AKT2: variants seen among roughly 807,000 people sequenced by gnomAD.
AKT2 encodes AKT serine/threonine kinase 2, also known as RAC-beta serine/threonine-protein kinase.
A neutral mutation model predicts 58.6 loss-of-function variants in AKT2; 16 were observed. The observed-to-expected ratio is 0.27, with a 90% CI of 0.18 to 0.41. The LOEUF is 0.41. Ranked by LOEUF, AKT2 falls within the 10% of genes least tolerant of loss-of-function variation. AKT2 has a pLI of 1.00. For missense variants in AKT2, 438 were observed against 661.0 expected, an observed-to-expected ratio of 0.66 and a Z score of 3.70; for synonymous variants, 253 against 254.0, an observed-to-expected ratio of 1.00 and a Z score of 0.04.
Position 40,256,960 on chromosome 19 carries a change from C to T in AKT2, c.141G>A (p.Gln47=). Residue 47 remains glutamine (Q), a synonymous_variant, in exon 3 of 14, where the codon CAG becomes CAA. Transcript: ENST00000392038. ...AGAAGTTGTTTAAGGGGGGTAGAGT[C>T]TGATCAGGGGCCTCGGGCCTCTCCT... ...GYKERPEAPD[Q]TLPPLNNFSV... is the part of the protein sequence containing the mutation. 1 of 1,614,212 alleles carries T rather than the reference C, an allele frequency of 6.2e-7. No individual in the cohort carries two copies. The highest frequency in any genetic ancestry group is 8.5e-7 in the Non-Finnish European group (1 of 1,180,036).
rs942001023 is a variant in AKT2 at position 40,238,672 on chromosome 19, C to G, written c.708+233G>C. 8.5e-5 allele frequency among the ~76,000 whole-genome samples: 13 copies of G among 152,126 alleles called. No individual in the cohort carries two copies. Among genetic ancestry groups the G allele is most frequent in the Non-Finnish European group, 1.6e-4 (11 of 68,036 alleles). On this transcript the variant is annotated intron_variant, in intron 8 of 13. Coordinates refer to ENST00000392038, the MANE Select transcript of AKT2 (RefSeq NM_001626.6). The surrounding 1 kb of genome is among the most constrained non-coding windows in gnomAD (Gnocchi z 5.1). The stretch of plus-strand genomic sequence containing the variant: ...CCACACCTCTCTGGACTGGTTTGGA[C>G]CTGACCCACCCACTCACTAGCTGTG...
chr19:40,245,893 G>A (rs1260971871), intron 4 of AKT2, among the ~76,000 whole-genome samples: 1 of 152,100 alleles, frequency 6.6e-6, no homozygotes, highest in South Asian at 2.1e-4. Context: ...CAGGGCCAGG[G>A]CGCAGCAGGG....
chr19:40,255,680 G>C (rs1975493915), intron 3 of AKT2, among the ~76,000 whole-genome samples: 2 of 152,190 alleles, frequency 1.3e-5, no homozygotes, highest in African/African-American at 2.4e-5. Context: ...ACATCCTCAG[G>C]GGGTGGCCAA....
intron 2 of AKT2, among the ~76,000 whole-genome samples, chr19:40,263,100 C>A (rs1025521989): frequency 3.9e-5 from 6 of 152,192 alleles, no homozygotes; most frequent in Non-Finnish European, 7.3e-5. Flanking sequence ...AACATGAATG[C>A]GGACACTGAA....
intron 2 of AKT2, 146 bp from the exon 3 acceptor site, chr19:40,257,200 C>A: frequency 1.8e-6 from 2 of 1,100,542 alleles, no homozygotes; most frequent in East Asian, 2.5e-5. Flanking sequence ...AATGCCTCTC[C>A]CAGAGGAGCC....
rs1210650551 is a variant in AKT2, at chr19:40,233,718, G to C, written c.*154C>G. ...GAGGCAGGGGCTGCAGGGGCCGCTG[G>C]GGTGCGTCTGGGAGGGGCCTGAAGA... On this transcript the variant is annotated 3_prime_UTR_variant, in exon 14 of 14. Coordinates refer to ENST00000392038, the MANE Select transcript of AKT2 (RefSeq NM_001626.6). This position sits in a 1 kb window ranked among gnomAD's most constrained non-coding sequence, Gnocchi z 4.3. 8 of 809,090 alleles carry C rather than the reference G, an allele frequency of 9.9e-6. No homozygotes were observed. The highest frequency in any genetic ancestry group is 1.7e-5 in the Non-Finnish European group (8 of 466,174). 50.1% of individuals were successfully genotyped at this position (809,090 alleles called of 1,614,324 possible). A position where few individuals can be genotyped will look rare whatever the true frequency, so the allele number is the denominator to read the frequency against.
rs182629662 is a variant in AKT2, at chr19:40,271,566, C to G, written c.-84-6215G>C. Among the ~76,000 whole-genome samples the G allele has an allele frequency of 7.8e-3, 1,181 of 152,254 alleles. 4 individuals carry two copies. Among genetic ancestry groups the G allele is most frequent in the African/African-American group, 0.027 (1,116 of 41,542 alleles). On this transcript the variant is annotated intron_variant, in intron 1 of 13. Transcript: ENST00000392038. ...AACCAACTCCCTCATCTGCCACCAG[C>G]CATTCACCACTCTATAAACTGGTCC...
At chr19:40,282,450 C>T in intron 1 of AKT2, 1 of 481,472 alleles carries the variant, frequency 2.1e-6, no homozygotes, top group South Asian at 1.5e-5. Flanking sequence ...CACACCTGCC[C>T]AGGGTTAAAG....
At chr19:40,266,448 G>GT (rs1211135624) in intron 1 of AKT2, 2 of 152,356 alleles carry the variant, frequency 1.3e-5, no homozygotes, top group African/African-American at 4.8e-5. Context: ...AAGAAGGGAG[G>GT]TAAGTGGTAG....
At position 40,230,641 on chromosome 19, in the gene AKT2, C is replaced by A. The variant is rs1973654440; in HGVS notation, c.*3231G>T. 4.4e-6 allele frequency: 1 copy of A among 225,096 alleles called. No individual in the cohort carries two copies. Among genetic ancestry groups the A allele is most frequent in the African/African-American group, 2.2e-5 (1 of 44,846 alleles). 13.9% of individuals were successfully genotyped at this position (225,096 alleles called of 1,614,324 possible). On this transcript the variant is annotated 3_prime_UTR_variant, in exon 14 of 14. Coordinates refer to ENST00000392038, the MANE Select transcript of AKT2 (RefSeq NM_001626.6). The stretch of plus-strand genomic sequence containing the variant: ...GGTAATCAGCACCAAAATGAGTACT[C>A]AAGGCCCTGCGACCTCGGGTGAATT...
intron 2 of AKT2, among the ~76,000 whole-genome samples, chr19:40,261,967 AG>A (rs1975997629): frequency 6.6e-6 from 1 of 151,262 alleles, no homozygotes; most frequent in African/African-American, 2.4e-5. Flanking sequence ...GGAGGTTAGG[AG>A]AGCGGTAACT....
intron 6 of AKT2, chr19:40,241,676 C>T (rs1974415008): frequency 2.0e-6 from 1 of 502,846 alleles, no homozygotes; most frequent in Non-Finnish European, 3.6e-6. Context: ...CCTCCCTTGA[C>T]AGTACCTGCT....
In AKT2 at chr19:40,233,614, C is replaced by T. The variant is rs1057439559; in HGVS notation, c.*258G>A. 5 of 739,910 alleles carry T rather than the reference C, an allele frequency of 6.8e-6. No homozygotes were observed. Among genetic ancestry groups the T allele is most frequent in the Non-Finnish European group, 1.2e-5 (5 of 401,382 alleles). 45.8% of individuals were successfully genotyped at this position (739,910 alleles called of 1,614,324 possible). A position where few individuals can be genotyped will look rare whatever the true frequency, so the allele number is the denominator to read the frequency against. ...TGTGGATTAAAACCTGAATCTCCAA[C>T]CGCCCAACAGCCCAGGCCTGGGCGG... is the stretch of plus-strand genomic sequence containing the variant. On this transcript the variant is annotated 3_prime_UTR_variant, in exon 14 of 14. Coordinates refer to ENST00000392038, the MANE Select transcript of AKT2 (RefSeq NM_001626.6). This position sits in a 1 kb window ranked among gnomAD's most constrained non-coding sequence, Gnocchi z 4.3.
intron 4 of AKT2, among the ~76,000 whole-genome samples, chr19:40,249,130 T>A (rs1329038748): frequency 1.3e-5 from 2 of 151,894 alleles, no homozygotes; most frequent in Non-Finnish European, 2.9e-5. Flanking sequence ...CGTGCCACCA[T>A]GTTAGAGATC....
chr19:40,236,200 TG>T (rs2145166739), intron 10 of AKT2, 56 bp downstream of exon 10: 1 of 1,613,448 alleles, frequency 6.2e-7, no homozygotes, highest in Non-Finnish European at 8.5e-7. Context: ...CACACAGGTC[TG>T]GGGGATCCCC....
chr19:40,245,465 C>CT (rs1974686941), intron 4 of AKT2, among the ~76,000 whole-genome samples: 1 of 152,154 alleles, frequency 6.6e-6, no homozygotes, highest in African/African-American at 2.4e-5. Context: ...GACACATGCT[C>CT]ACATAGGCAC....
chr19:40,279,945 C>T (rs938302206), intron 1 of AKT2, among the ~76,000 whole-genome samples: 2 of 152,210 alleles, frequency 1.3e-5, no homozygotes, highest in African/African-American at 4.8e-5. Context: ...TCACAGCACT[C>T]CAGTCCCTAC....
Position 40,235,391 on chromosome 19 carries a change from C to G in AKT2, c.1176-41G>C. The G allele has an allele frequency of 6.2e-7, 1 of 1,604,532 alleles. No individual in the cohort carries two copies. The highest frequency in any genetic ancestry group is 8.5e-7 in the Non-Finnish European group (1 of 1,172,948). ...CGTCAGCACCTGCCTCCCGGAGCAG[C>G]TGGGTTCGGGCAGACGGGCTTTCGG... On this transcript the variant is annotated intron_variant, in intron 11 of 13. Coordinates refer to ENST00000392038, the MANE Select transcript of AKT2 (RefSeq NM_001626.6). This position sits in a 1 kb window ranked among gnomAD's most constrained non-coding sequence, Gnocchi z 6.3.
At chr19:40,253,174 G>A (rs886373289) in intron 4 of AKT2, among the ~76,000 whole-genome samples, 3 of 152,146 alleles carry the variant, frequency 2.0e-5, no homozygotes, top group African/African-American at 7.2e-5. Context: ...GTCAGCACAG[G>A]CAATCGGCAC....
Sources: gnomAD v4.1 joint callset for allele counts (sites outside exome capture counted in the v4.1 genomes callset) on GRCh38, gnomAD v4.1.1 for gene constraint, Gnocchi (gnomAD v3.1) non-coding constraint, MANE v1.5 for transcripts, NCBI Gene and HGNC (gene_info 2026-07-23, HGNC 2026-07-21) for gene names.